BRMS1L: variants seen among roughly 807,000 people sequenced by gnomAD.
BRMS1L encodes the protein breast cancer metastasis-suppressor 1-like protein.
Under a neutral mutation model 50.3 loss-of-function variants are expected in BRMS1L, and 23 were observed. The observed-to-expected ratio is 0.46, with a 90% CI of 0.33 to 0.65. The LOEUF (loss-of-function observed/expected upper bound fraction) is 0.65. BRMS1L is among the 30% of genes least tolerant of loss of function. The pLI is 0.02. For missense variants in BRMS1L, 286 were observed against 386.1 expected (o/e 0.74, Z 2.17); for synonymous variants, 114 against 126.9 (o/e 0.90, Z 0.69).
intron 4 of BRMS1L, among the ~76,000 whole-genome samples, chr14:35,836,608 T>C (rs943283214): frequency 2.0e-5 from 3 of 152,202 alleles, no homozygotes; most frequent in Non-Finnish European, 4.4e-5. Context: ...TCCTGAAGTG[T>C]TGAGATTACA....
intron 4 of BRMS1L, among the ~76,000 whole-genome samples, chr14:35,843,826 G>A (rs2078097624): frequency 6.6e-6 from 1 of 152,244 alleles, no homozygotes; most frequent in Admixed American, 6.5e-5. Flanking sequence ...AGGGAGATGG[G>A]AGTTTTATCT....
intron 4 of BRMS1L, among the ~76,000 whole-genome samples, chr14:35,848,115 C>T (rs1202024539): frequency 6.6e-6 from 1 of 152,048 alleles, no homozygotes; most frequent in African/African-American, 2.4e-5. Flanking sequence ...CAGGATGCTC[C>T]AGACTGTTTT....
At chr14:35,851,249 G>C (rs1205228814) in intron 4 of BRMS1L, among the ~76,000 whole-genome samples, 1 of 152,192 alleles carries the variant, frequency 6.6e-6, no homozygotes, top group Admixed American at 6.5e-5. Flanking sequence ...ACAGGTGTCA[G>C]TCTACAGGAG....
In BRMS1L at chr14:35,826,605, C is replaced by G; in HGVS notation, c.89C>G (p.Ser30Cys). The change falls in exon 1 of 10, where the codon TCC (serine) becomes TGC (cysteine). Residue 30 changes from serine to cysteine, a missense_variant. Transcript: ENST00000216807. ...TACGCCGAAAATGAGGGGAGCAGCT[C>G]CGAGGACGAGGACACTGAGAGCTCG... Reference protein sequence around the residue: ...VDYAENEGSSSEDEDTESSSV... With the variant: ...VDYAENEGSSCEDEDTESSSV... The G allele has an allele frequency of 1.9e-6, 3 of 1,612,236 alleles. No homozygotes were observed. The highest frequency in any genetic ancestry group is 2.5e-6 in the Non-Finnish European group (3 of 1,179,462).
At chr14:35,830,345 A>G (rs1389123750) in intron 1 of BRMS1L, among the ~76,000 whole-genome samples, 1 of 152,196 alleles carries the variant, frequency 6.6e-6, no homozygotes, top group Non-Finnish European at 1.5e-5. Flanking sequence ...CTGGGATTAC[A>G]GGAGTGAGCC....
At chr14:35,848,324 C>A (rs1330850440) in intron 4 of BRMS1L, among the ~76,000 whole-genome samples, 1 of 152,060 alleles carries the variant, frequency 6.6e-6, no homozygotes, top group East Asian at 1.9e-4. Flanking sequence ...TTCCAGTATA[C>A]AATACATTAT....
chr14:35,863,194 C>A (rs1371521971), intron 5 of BRMS1L, among the ~76,000 whole-genome samples: 1 of 152,028 alleles, frequency 6.6e-6, no homozygotes, highest in Non-Finnish European at 1.5e-5. Context: ...GGAATGAAAA[C>A]CTTTTTGACA....
chr14:35,854,063 A>G (rs1645104838), intron 4 of BRMS1L, among the ~76,000 whole-genome samples: 1 of 152,192 alleles, frequency 6.6e-6, no homozygotes, highest in Non-Finnish European at 1.5e-5. Flanking sequence ...TCAGTATTTT[A>G]GTTCCATCTT....
intron 8 of BRMS1L, among the ~76,000 whole-genome samples, chr14:35,866,261 C>T (rs1015016133): frequency 1.3e-5 from 2 of 152,128 alleles, no homozygotes; most frequent in African/African-American, 4.8e-5. Context: ...ATAAGTTTCT[C>T]TGTTTCTGCC....
intron 4 of BRMS1L, among the ~76,000 whole-genome samples, chr14:35,841,182 G>A (rs942830076): frequency 2.6e-5 from 4 of 152,266 alleles, no homozygotes; most frequent in Non-Finnish European, 5.9e-5. Flanking sequence ...TCTTAATCCT[G>A]AGTTCTAATT....
At chr14:35,864,256 CAT>C (rs533523042) in intron 6 of BRMS1L, among the ~76,000 whole-genome samples, 10 of 152,022 alleles carry the variant, frequency 6.6e-5, no homozygotes, top group Non-Finnish European at 1.2e-4. Context: ...GTTTAATTCT[CAT>C]GTGTACTTTT....
At position 35,838,405 on chromosome 14, in the gene BRMS1L, G is replaced by C. The variant is rs189910246; in HGVS notation, c.441+3482G>C. Among the ~76,000 whole-genome samples, 6 of 152,164 alleles carry C rather than the reference G, an allele frequency of 3.9e-5. No homozygotes were observed. The East Asian group carries it at 1.2e-3, about 29-fold the overall frequency. ...TGTATACCCAGTATTGGGATTCCTG[G>C]GTCAAGTGGTATTTCTGGTTCTAGA... On this transcript the variant is annotated intron_variant, in intron 4 of 9. Coordinates refer to ENST00000216807, the MANE Select transcript of BRMS1L (RefSeq NM_032352.4).
intron 4 of BRMS1L, among the ~76,000 whole-genome samples, chr14:35,837,864 T>A (rs11627410): frequency 0.052 from 7,918 of 152,188 alleles, 319 homozygotes; most frequent in East Asian, 0.24. Flanking sequence ...AATTTTAATT[T>A]AAAAAAATTA....
intron 4 of BRMS1L, among the ~76,000 whole-genome samples, chr14:35,846,582 TCTG>T (rs2078138134): frequency 6.6e-6 from 1 of 152,200 alleles, no homozygotes; most frequent in African/African-American, 2.4e-5. Flanking sequence ...TTTGAGTTGG[TCTG>T]CTATTTCTTC....
chr14:35,833,713 G>A (rs2077956142), intron 3 of BRMS1L, among the ~76,000 whole-genome samples: 1 of 152,052 alleles, frequency 6.6e-6, no homozygotes, highest in Non-Finnish European at 1.5e-5. Context: ...TCATAATCAA[G>A]GGATATATAT....
At chr14:35,826,889 A>C in intron 1 of BRMS1L, 2 of 560,218 alleles carry the variant, frequency 3.6e-6, no homozygotes, top group Non-Finnish European at 5.9e-6. Context: ...CAGCTCCCAA[A>C]CGCGGCGTGG....
chr14:35,826,753 G>C (rs1272856052), intron 1 of BRMS1L, 95 bp downstream of exon 1: 1 of 1,529,108 alleles, frequency 6.5e-7, no homozygotes, highest in Non-Finnish European at 8.8e-7. Flanking sequence ...CTGGGAAAGC[G>C]GGGCGGGGAC....
intron 1 of BRMS1L, among the ~76,000 whole-genome samples, chr14:35,830,941 ATT>A (rs762350767): frequency 1.4e-3 from 190 of 131,596 alleles, no homozygotes; most frequent in African/African-American, 3.3e-3. Context: ...TCTATAGTGG[ATT>A]TTTTTTTTTT....
chr14:35,844,381 G>A (rs1421161390), intron 4 of BRMS1L, among the ~76,000 whole-genome samples: 8 of 152,252 alleles, frequency 5.3e-5, no homozygotes, highest in African/African-American at 1.2e-4. Context: ...GTAGTATCAG[G>A]GGCAGAATGC....
Sources: allele counts gnomAD v4.1 joint callset (sites outside exome capture counted in the v4.1 genomes callset), GRCh38; gene constraint gnomAD v4.1.1; transcripts MANE v1.5; gene names NCBI Gene and HGNC (gene_info 2026-07-23, HGNC 2026-07-21).